Variants in RTN4 observed in about 807,000 individuals in gnomAD.
RTN4 encodes the protein reticulon-4.
A neutral mutation model predicts 90.4 loss-of-function variants in RTN4; 32 were observed. The ratio of observed to expected loss-of-function variants is 0.35; its 90% CI spans 0.27 to 0.48. The LOEUF is 0.48. RTN4 is among the 20% of genes least tolerant of loss of function. The pLI is 0.99. For missense variants in RTN4, 1,706 were observed against 1,430.2 expected, an observed-to-expected ratio of 1.19 and a Z score of -3.11; for synonymous variants, 629 against 552.5, an observed-to-expected ratio of 1.14 and a Z score of -1.94.
At chr2:55,014,290 T>G (rs1680868099) in intron 3 of RTN4, 1 of 152,034 alleles carries the variant, frequency 6.6e-6, no homozygotes, top group South Asian at 2.1e-4. Context: ...GTACCAAAAA[T>G]GAATACTAAA....
chr2:55,105,295 T>A (rs1166958600), intron 1 of RTN4, among the ~76,000 whole-genome samples: 1 of 147,182 alleles, frequency 6.8e-6, no homozygotes, highest in African/African-American at 2.5e-5. Flanking sequence ...AGTGGCACGA[T>A]CTTGGCTCAC....
At chr2:55,123,222 A>G in the RTN4 span, among the ~76,000 whole-genome samples, 1 of 152,208 alleles carries the variant, frequency 6.6e-6, no homozygotes, top group African/African-American at 2.4e-5. Flanking sequence ...TCATGAAACC[A>G]CTTTTGATTC....
chr2:55,132,035 TG>T, the RTN4 span, among the ~76,000 whole-genome samples: 26 of 152,182 alleles, frequency 1.7e-4, 1 homozygote, highest in Admixed American at 1.7e-3. Flanking sequence ...CAAGTATTTA[TG>T]GGGGGAATGA....
intron 3 of RTN4, among the ~76,000 whole-genome samples, chr2:54,998,631 T>C (rs939434570): frequency 6.6e-6 from 1 of 152,204 alleles, no homozygotes; most frequent in Admixed American, 6.5e-5. Context: ...CCTGGAAAAC[T>C]GATAAATGCC....
chr2:55,070,773 G>GTTTA (rs1558867171), intron 2 of RTN4, among the ~76,000 whole-genome samples: 21 of 89,294 alleles, frequency 2.4e-4, no homozygotes, highest in East Asian at 1.5e-3. Context: ...GTTGTTGTTT[G>GTTTA]TTTTTTTGTT....
chr2:55,010,371 T>A (rs1680545436), intron 3 of RTN4: 1 of 1,311,274 alleles, frequency 7.6e-7, no homozygotes, highest in South Asian at 2.3e-5. Context: ...CTTCTATCTG[T>A]TGATTGTTTT....
At chr2:54,994,572 C>T (rs377368138) in intron 3 of RTN4, among the ~76,000 whole-genome samples, 1 of 152,182 alleles carries the variant, frequency 6.6e-6, no homozygotes. Context: ...CAAAATGGAA[C>T]ATTATCAACC....
At chr2:55,120,504 T>TCC in the RTN4 span, among the ~76,000 whole-genome samples, 1 of 151,980 alleles carries the variant, frequency 6.6e-6, no homozygotes, top group East Asian at 2.0e-4. Flanking sequence ...ATTCTGCTTG[T>TCC]CCCCTTTCAA....
the RTN4 span, among the ~76,000 whole-genome samples, chr2:55,119,852 A>T: frequency 5.3e-5 from 8 of 152,154 alleles, no homozygotes; most frequent in Non-Finnish European, 1.2e-4. Flanking sequence ...CCAACCCATA[A>T]TTATGCAGGG....
intron 2 of RTN4, among the ~76,000 whole-genome samples, chr2:55,068,262 T>C (rs1668429272): frequency 6.6e-6 from 1 of 152,194 alleles, no homozygotes; most frequent in Admixed American, 6.6e-5. Flanking sequence ...TACATTAAAA[T>C]CCATTGGTCT....
chr2:54,980,283 T>C (rs1226259236), intron 5 of RTN4, among the ~76,000 whole-genome samples: 6 of 152,198 alleles, frequency 3.9e-5, no homozygotes, highest in Non-Finnish European at 7.3e-5. Flanking sequence ...AAAACAGAGA[T>C]TTAAAATGTT....
rs1678676630 is a variant in RTN4, at chr2:54,987,681, A to G, written c.3031T>C (p.Trp1011Arg). The G allele has an allele frequency of 6.2e-7, 1 of 1,613,744 alleles. No homozygotes were observed. Among genetic ancestry groups the G allele is most frequent in the Non-Finnish European group, 8.5e-7 (1 of 1,179,702 alleles). The part of the protein sequence containing the change: ...SKTSVVDLLY[W>R]RDIKKTGVVF... ...ACTCCAGTCTTCTTAATGTCTCTCC[A>G]GTACAGGAGGTCAACAACTAAAAAT... The change falls in exon 4 of 9, where the codon TGG becomes CGG. Residue 1011 changes from tryptophan to arginine, a missense_variant. Coordinates refer to ENST00000337526, the MANE Select transcript of RTN4 (RefSeq NM_020532.5).
chr2:55,079,904 G>T (rs972236615), intron 2 of RTN4, among the ~76,000 whole-genome samples: 1 of 152,148 alleles, frequency 6.6e-6, no homozygotes, highest in African/African-American at 2.4e-5. Context: ...TACTAGCCAG[G>T]CAGTCTAGTG....
chr2:55,024,315 C>A (rs1243417142), intron 3 of RTN4, among the ~76,000 whole-genome samples: 1 of 152,190 alleles, frequency 6.6e-6, no homozygotes, highest in East Asian at 1.9e-4. Context: ...TAGATTACAG[C>A]AACTGGTCTA....
the RTN4 span, among the ~76,000 whole-genome samples, chr2:55,128,832 C>T: frequency 1.9e-3 from 280 of 150,254 alleles, 1 homozygote; most frequent in Middle Eastern, 0.022. Flanking sequence ...GAGGGCTGGG[C>T]ACGGTGGCTC....
At chr2:55,115,465 A>G (rs1451739015), upstream of RTN4, among the ~76,000 whole-genome samples, 1 of 152,236 alleles carries the variant, frequency 6.6e-6, no homozygotes, top group East Asian at 1.9e-4. Context: ...TATATAGGTA[A>G]CAGGGATTAG....
intron 4 of RTN4, among the ~76,000 whole-genome samples, chr2:54,986,998 G>A (rs961042812): frequency 6.6e-6 from 1 of 152,048 alleles, no homozygotes; most frequent in African/African-American, 2.4e-5. Flanking sequence ...GAGACAAGGA[G>A]ATGCTGAAAT....
At chr2:55,048,476 T>A (rs10206953) in intron 1 of RTN4, among the ~76,000 whole-genome samples, 20,070 of 152,174 alleles carry the variant, frequency 0.13, 2,077 homozygotes, top group African/African-American at 0.28. Context: ...AAATTTTATA[T>A]TCTTATTCTA....
intron 1 of RTN4, among the ~76,000 whole-genome samples, chr2:55,103,595 ACTTATC>A (rs1396799341): frequency 6.6e-5 from 10 of 152,022 alleles, no homozygotes; most frequent in Non-Finnish European, 5.9e-5. Context: ...ATGGGTATAT[ACTTATC>A]CTTAAACCCA....
Sources: gnomAD v4.1 joint callset for allele counts (sites outside exome capture counted in the v4.1 genomes callset) on GRCh38, gnomAD v4.1.1 for gene constraint, MANE v1.5 for transcripts, NCBI Gene and HGNC (gene_info 2026-07-23, HGNC 2026-07-21) for gene names.